GTF2H1: variants seen among roughly 807,000 people sequenced by gnomAD.
The protein encoded by GTF2H1 is general transcription factor IIH subunit 1.
Under a neutral mutation model 71.2 loss-of-function variants are expected in GTF2H1, and 16 were observed. The observed-to-expected ratio is 0.22, with a 90% CI of 0.15 to 0.34. GTF2H1 has a LOEUF of 0.34. Among genes scored for constraint, GTF2H1 ranks in the 10% least tolerant of loss-of-function variants. The pLI is 1.00. For missense variants in GTF2H1, 498 were observed against 648.2 expected (o/e 0.77, Z 2.52); for synonymous variants, 215 against 219.0 (o/e 0.98, Z 0.16).
At chr11:18,357,780 T>C (rs1865592072) in intron 11 of GTF2H1, among the ~76,000 whole-genome samples, 172 bp from the exon 12 acceptor site, 2 of 152,096 alleles carry the variant, frequency 1.3e-5, no homozygotes, top group Non-Finnish European at 2.9e-5. Flanking sequence ...ACACGGATTG[T>C]GTTTCTGCCC....
intron 10 of GTF2H1, 176 bp downstream of exon 10, chr11:18,352,145 G>T: frequency 1.6e-6 from 1 of 625,002 alleles, no homozygotes; most frequent in Non-Finnish European, 2.9e-6. Context: ...GACAATAAAT[G>T]TGGATCTTTC....
chr11:18,345,452 A>G (rs1418914680), intron 7 of GTF2H1, among the ~76,000 whole-genome samples: 1 of 151,570 alleles, frequency 6.6e-6, no homozygotes. Flanking sequence ...TCATGTAGTA[A>G]TAATCACTTA....
chr11:18,342,861 G>C (rs1257136931), intron 7 of GTF2H1, among the ~76,000 whole-genome samples: 1 of 152,000 alleles, frequency 6.6e-6, no homozygotes, highest in African/African-American at 2.4e-5. Flanking sequence ...AACCAAACTA[G>C]CTGACTTAGA....
rs115803286 is a variant in GTF2H1, at chr11:18,326,609, C to A, written c.-16+3869C>A. The stretch of plus-strand genomic sequence containing the variant: ...CCACTTTGCAGTTTCTGTCTTCATG[C>A]ATTTTTTTACCTTCTCAACTCATAA... On this transcript the variant is annotated intron_variant, in intron 1 of 14. Transcript: ENST00000265963. Among the ~76,000 whole-genome samples the A allele has an allele frequency of 8.5e-3, 1,300 of 152,126 alleles. 24 individuals carry two copies. The highest frequency in any genetic ancestry group is 0.028 in the African/African-American group (1,182 of 41,528).
At chr11:18,335,265 G>T (rs1001557335) in intron 2 of GTF2H1, among the ~76,000 whole-genome samples, 6 of 152,164 alleles carry the variant, frequency 3.9e-5, no homozygotes, top group Non-Finnish European at 8.8e-5. Flanking sequence ...ATGAGGCTAA[G>T]TTTGATAACT....
chr11:18,342,274 T>G (rs1191708946), intron 7 of GTF2H1, among the ~76,000 whole-genome samples: 2 of 144,100 alleles, frequency 1.4e-5, no homozygotes, highest in Admixed American at 1.4e-4. Context: ...TTTTTTTTTT[T>G]TTTTTGAGAA....
At chr11:18,339,967 T>G (rs1371006853) in intron 5 of GTF2H1, among the ~76,000 whole-genome samples, 1 of 152,174 alleles carries the variant, frequency 6.6e-6, no homozygotes, top group Non-Finnish European at 1.5e-5. Context: ...AAGTATAGAT[T>G]CCTTGACCCC....
At chr11:18,356,872 C>G (rs941360982) in intron 11 of GTF2H1, among the ~76,000 whole-genome samples, 1 of 150,770 alleles carries the variant, frequency 6.6e-6, no homozygotes, top group African/African-American at 2.4e-5. Context: ...TCACTGCAGC[C>G]TCAACTTCCC....
intron 11 of GTF2H1, among the ~76,000 whole-genome samples, chr11:18,355,551 G>T (rs1865525883): frequency 6.6e-6 from 1 of 151,782 alleles, no homozygotes; most frequent in South Asian, 2.1e-4. Context: ...TGTCCCCCAG[G>T]CTGGAGTGTA....
intron 14 of GTF2H1, among the ~76,000 whole-genome samples, chr11:18,364,769 C>T (rs1314668161): frequency 6.6e-6 from 1 of 152,076 alleles, no homozygotes; most frequent in African/African-American, 2.4e-5. Flanking sequence ...TATTGAACTC[C>T]TGAAATGCTG....
intron 5 of GTF2H1, among the ~76,000 whole-genome samples, chr11:18,340,558 G>C (rs1427569728): frequency 6.6e-6 from 1 of 152,186 alleles, no homozygotes; most frequent in Non-Finnish European, 1.5e-5. Flanking sequence ...AAAGTGCTGA[G>C]ATTACAGGCT....
At chr11:18,354,921 A>ACCTCAGC (rs1256246047) in intron 11 of GTF2H1, among the ~76,000 whole-genome samples, 3 of 150,868 alleles carry the variant, frequency 2.0e-5, no homozygotes, top group Admixed American at 2.0e-4. Flanking sequence ...CGATCCTCCC[A>ACCTCAGC]CCTCAGCCCC....
intron 9 of GTF2H1, among the ~76,000 whole-genome samples, chr11:18,350,798 C>A (rs933682957): frequency 1.3e-5 from 2 of 152,088 alleles, no homozygotes; most frequent in Non-Finnish European, 2.9e-5. Flanking sequence ...CTGATTTGCA[C>A]AAATGTTTAC....
At chr11:18,326,271 C>G (rs534394143) in intron 1 of GTF2H1, 10 of 152,296 alleles carry the variant, frequency 6.6e-5, no homozygotes, top group Admixed American at 5.2e-4. Context: ...CCTGTAATCC[C>G]AGCACTTTGG....
At position 18,365,916 on chromosome 11, in the gene GTF2H1, C is replaced by A. The variant is rs779483241; in HGVS notation, c.*47C>A. ...TTTTGTGAGATTGAGAGAACTATGA[C>A]CTGCAGCAACTCTGGAAACCTGGCC... On this transcript the variant is annotated 3_prime_UTR_variant, in exon 15 of 15. Transcript: ENST00000265963. 7.7e-7 allele frequency: 1 copy of A among 1,306,494 alleles called. No homozygotes were observed. Among genetic ancestry groups the A allele is most frequent in the Non-Finnish European group, 1.1e-6 (1 of 905,592 alleles). The allele number at this position is 1,306,494 out of a possible 1,614,324, so 80.9% of individuals were successfully genotyped here.
rs774356519 is a variant in GTF2H1 at position 18,333,106 on chromosome 11, T to C, written c.32T>C (p.Ile11Thr). Residue 11 changes from isoleucine (I) to threonine (T), a missense_variant, in exon 2 of 15, where the codon ATT (isoleucine) becomes ACT (threonine). Ile to Thr is a moderately conservative substitution (Grantham distance 89). Transcript: ENST00000265963. Reference sequence around the variant, plus strand: ...ACCTCATCTGAAGAAGTTTTGCTGATTGTAAAGAAAGTGCGTCAAAAGAAG... The same window carrying C: ...ACCTCATCTGAAGAAGTTTTGCTGACTGTAAAGAAAGTGCGTCAAAAGAAG... MATSSEEVLLIVKKVRQKKQD... is the reference protein window; with the variant it reads MATSSEEVLLTVKKVRQKKQD... The C allele has an allele frequency of 6.2e-7, 1 of 1,612,380 alleles. No homozygotes were observed. Among genetic ancestry groups the C allele is most frequent in the Non-Finnish European group, 8.5e-7 (1 of 1,179,848 alleles).
rs991574242 is a variant in GTF2H1 at position 18,322,666 on chromosome 11, C to T, written c.-90C>T. 6.6e-6 allele frequency: 1 copy of T among 151,834 alleles called. No homozygotes were observed. Among genetic ancestry groups the T allele is most frequent in the Non-Finnish European group, 1.5e-5 (1 of 68,112 alleles). The allele number at this position is 151,834 out of a possible 1,614,324, so 9.4% of individuals were successfully genotyped here. ...TTTCGGCCTCTTCCCAGCAGCGGCT[C>T]TAAGAAGCGCAGCGGAACTCGACCG... is the stretch of plus-strand genomic sequence containing the variant. On this transcript the variant is annotated 5_prime_UTR_variant, in exon 1 of 15. Transcript: ENST00000265963.
intron 12 of GTF2H1, 65 bp downstream of exon 12, chr11:18,358,107 A>C: frequency 9.6e-7 from 1 of 1,045,864 alleles, no homozygotes; most frequent in Non-Finnish European, 1.5e-6. Flanking sequence ...AGCTGGGAGG[A>C]GTGCTGAACT....
At chr11:18,347,409 A>G (rs1184280506) in intron 7 of GTF2H1, 179 bp from the exon 8 acceptor site, 1 of 519,060 alleles carries the variant, frequency 1.9e-6, no homozygotes, top group African/African-American at 1.9e-5. Context: ...AGTTAGTGCT[A>G]TTTGTTAATC....
Sources: gnomAD v4.1 joint callset for allele counts (sites outside exome capture counted in the v4.1 genomes callset) on GRCh38, gnomAD v4.1.1 for gene constraint, MANE v1.5 for transcripts, NCBI Gene and HGNC (gene_info 2026-07-23, HGNC 2026-07-21) for gene names.